The following EGFR variants were observed in gnomAD, a reference collection of about 807,000 sequenced individuals.
The protein encoded by EGFR is epidermal growth factor receptor, also known as avian erythroblastic leukemia viral (v-erb-b) oncogene homolog.
EGFR carries 58 observed loss-of-function variants against 143.0 expected under a neutral mutation model. The observed-to-expected ratio is 0.41, with a 90% CI of 0.33 to 0.50. EGFR has a LOEUF of 0.50. Among genes scored for constraint, EGFR ranks in the 20% least tolerant of loss-of-function variants. EGFR has a pLI of 0.39. For missense variants in EGFR, 1,307 were observed against 1,579.0 expected (o/e 0.83, Z 2.92); for synonymous variants, 613 against 594.4 (o/e 1.03, Z -0.45).
At position 55,050,074 on chromosome 7, in the gene EGFR, T is replaced by C. The variant is rs558693713; in HGVS notation, c.88+30709T>C. Among the ~76,000 whole-genome samples the C allele has an allele frequency of 2.6e-5, 4 of 152,346 alleles. No homozygotes were observed. The South Asian group carries it at 8.3e-4, about 32-fold the overall frequency. ...TCTCTCTTTTTGAAAATATTTTTAA[T>C]TGTGGCAAAATATACACAACATAAA... On this transcript the variant is annotated intron_variant, in intron 1 of 27. Coordinates refer to ENST00000275493, the MANE Select transcript of EGFR (RefSeq NM_005228.5).
intron 4 of EGFR, among the ~76,000 whole-genome samples, chr7:55,150,975 A>G (rs977181797): frequency 2.6e-5 from 4 of 152,250 alleles, no homozygotes; most frequent in Non-Finnish European, 5.9e-5. Flanking sequence ...AGGAGATGCC[A>G]GGGAATGCTC....
intron 12 of EGFR, 69 bp downstream of exon 12, chr7:55,160,407 T>C: frequency 6.7e-7 from 1 of 1,482,716 alleles, no homozygotes; most frequent in Non-Finnish European, 9.3e-7. Context: ...ATTTAGAATA[T>C]TGAAGGGCTA....
chr7:55,098,395 G>T (rs143215126), intron 1 of EGFR, among the ~76,000 whole-genome samples: 192 of 152,268 alleles, frequency 1.3e-3, no homozygotes, highest in Middle Eastern at 3.4e-3. Context: ...ACTGCTCAGA[G>T]ACGTGATGGC....
At chr7:55,059,535 G>A (rs1789042970) in intron 1 of EGFR, among the ~76,000 whole-genome samples, 4 of 151,940 alleles carry the variant, frequency 2.6e-5, no homozygotes, top group Non-Finnish European at 5.9e-5. Flanking sequence ...TTCAGGTCTG[G>A]ACAAATCTAT....
At position 55,091,258 on chromosome 7, in the gene EGFR, C is replaced by T. The variant is rs866625367; in HGVS notation, c.89-51028C>T. On this transcript the variant is annotated intron_variant, in intron 1 of 27. Transcript: ENST00000275493. ...AAAGGATCAGTCATGTCAGGAAAAG[C>T]GCTACAATGATGAAATATGATAAAT... Among the ~76,000 whole-genome samples the T allele has an allele frequency of 7.2e-5, 11 of 152,172 alleles. No individual in the cohort carries two copies. The South Asian group carries it at 8.3e-4, about 11-fold the overall frequency.
At chr7:55,198,126 T>A (rs773550171) in intron 22 of EGFR, among the ~76,000 whole-genome samples, 1 of 152,204 alleles carries the variant, frequency 6.6e-6, no homozygotes, top group Non-Finnish European at 1.5e-5. Context: ...ATCCATCTAG[T>A]CTTAGGCTTT....
At chr7:55,203,310 CCA>C (rs1446916799) in intron 27 of EGFR, among the ~76,000 whole-genome samples, 1 of 149,908 alleles carries the variant, frequency 6.7e-6, no homozygotes, top group African/African-American at 2.5e-5. Flanking sequence ...CATATACACA[CCA>C]CACACACCAC....
intron 1 of EGFR, among the ~76,000 whole-genome samples, chr7:55,107,759 T>C (rs920920134): frequency 2.0e-5 from 3 of 152,268 alleles, no homozygotes; most frequent in African/African-American, 7.2e-5. Flanking sequence ...CAAGTGCCTA[T>C]ATGCTATATA....
chr7:55,178,400 C>T (rs977401459), intron 19 of EGFR, among the ~76,000 whole-genome samples: 4 of 152,204 alleles, frequency 2.6e-5, no homozygotes, highest in Admixed American at 6.5e-5. Flanking sequence ...GTGTCTCCCA[C>T]GTCTAAAGTC....
rs1313717339 is a variant in EGFR, at chr7:55,046,669, C to T, written c.88+27304C>T. On this transcript the variant is annotated intron_variant, in intron 1 of 27. Transcript: ENST00000275493. ...TGCACTACGCTTCTCGTACACATTT[C>T]ATATTAAAGATTTTGGAAAGTCCTG... 7.2e-4 allele frequency among the ~76,000 whole-genome samples: 110 copies of T among 152,014 alleles called. 1 individual carries two copies. Among genetic ancestry groups the T allele is most frequent in the Non-Finnish European group, 4.4e-5 (3 of 68,020 alleles).
chr7:55,132,133 T>C (rs1279455284), intron 1 of EGFR, among the ~76,000 whole-genome samples: 1 of 152,100 alleles, frequency 6.6e-6, no homozygotes, highest in African/African-American at 2.4e-5. Context: ...ATCGCAATTC[T>C]GCAGTAGAGA....
chr7:55,188,380 G>A (rs73346604), intron 20 of EGFR, among the ~76,000 whole-genome samples: 5,188 of 152,032 alleles, frequency 0.034, 258 homozygotes, highest in African/African-American at 0.11. Context: ...CACAGCCCCC[G>A]CCCCTCACTC....
At chr7:55,109,364 A>G (rs1792324848) in intron 1 of EGFR, among the ~76,000 whole-genome samples, 1 of 152,232 alleles carries the variant, frequency 6.6e-6, no homozygotes, top group African/African-American at 2.4e-5. Flanking sequence ...TATCTACAGC[A>G]ATGGAAGAAT....
rs1401369040 is a variant in EGFR at position 55,056,746 on chromosome 7, C to A, written c.88+37381C>A. 3.9e-5 allele frequency among the ~76,000 whole-genome samples: 6 copies of A among 152,276 alleles called. No individual in the cohort carries two copies. The East Asian group carries it at 1.2e-3, about 29-fold the overall frequency. ...CTGACGGAATGAAAAACGCCAGTTGCGTAAGTGTGAAAAAGATCTGGGTGT... is the reference window on the plus strand; with the variant it reads ...CTGACGGAATGAAAAACGCCAGTTGAGTAAGTGTGAAAAAGATCTGGGTGT... On this transcript the variant is annotated intron_variant, in intron 1 of 27. Coordinates refer to ENST00000275493, the MANE Select transcript of EGFR (RefSeq NM_005228.5).
At chr7:55,203,267 AC>A (rs2128973656) in intron 27 of EGFR, among the ~76,000 whole-genome samples, 1 of 150,302 alleles carries the variant, frequency 6.7e-6, no homozygotes, top group East Asian at 2.0e-4. Flanking sequence ...TACACACACC[AC>A]ACATACACCA....
At chr7:55,060,056 C>T (rs1466226500) in intron 1 of EGFR, among the ~76,000 whole-genome samples, 1 of 152,192 alleles carries the variant, frequency 6.6e-6, no homozygotes, top group Non-Finnish European at 1.5e-5. Context: ...TGTTATGCCA[C>T]GTGGGGAAAA....
chr7:55,084,339 T>G (rs979289257), intron 1 of EGFR, among the ~76,000 whole-genome samples: 1 of 152,210 alleles, frequency 6.6e-6, no homozygotes, highest in African/African-American at 2.4e-5. Flanking sequence ...TAAGCAGTTC[T>G]TAGCATGGCC....
intron 1 of EGFR, among the ~76,000 whole-genome samples, chr7:55,028,626 G>A (rs1188346052): frequency 6.6e-6 from 1 of 152,084 alleles, no homozygotes; most frequent in Non-Finnish European, 1.5e-5. Flanking sequence ...CTCATACACT[G>A]TAAGCCATTG....
In EGFR at chr7:55,038,246, C is replaced by A. The variant is rs146230963; in HGVS notation, c.88+18881C>A. Among the ~76,000 whole-genome samples the A allele has an allele frequency of 1.1e-4, 16 of 152,310 alleles. No homozygotes were observed. The East Asian group carries it at 2.3e-3, about 22-fold the overall frequency. Reference sequence around the variant, plus strand: ...GAGTCCTTGTGGACCCACAGAGACACACTCGCCCCAGTTTGAAGGCTGCTA... The same window carrying A: ...GAGTCCTTGTGGACCCACAGAGACAAACTCGCCCCAGTTTGAAGGCTGCTA... On this transcript the variant is annotated intron_variant, in intron 1 of 27. Coordinates refer to ENST00000275493, the MANE Select transcript of EGFR (RefSeq NM_005228.5).
Sources: gnomAD v4.1 joint callset for allele counts (sites outside exome capture counted in the v4.1 genomes callset) on GRCh38, gnomAD v4.1.1 for gene constraint, MANE v1.5 for transcripts, NCBI Gene and HGNC (gene_info 2026-07-23, HGNC 2026-07-21) for gene names.